Variants in SFMBT2 observed in about 807,000 individuals in gnomAD.
SFMBT2 encodes the protein Scm like with four mbt domains 2, also known as scm-like with four MBT domains protein 2.
SFMBT2 carries 38 observed loss-of-function variants against 110.1 expected under a neutral mutation model. That is an observed-to-expected ratio of 0.35 (90% CI 0.27 to 0.45). The LOEUF is 0.45. Among genes scored for constraint, SFMBT2 ranks in the 20% least tolerant of loss-of-function variants. The pLI is 1.00. For synonymous variants in SFMBT2, 425 were observed against 425.4 expected (o/e 1.00, Z 0.01); for missense variants, 1,011 against 1,094.9 (o/e 0.92, Z 1.08).
chr10:7,321,321 C>G (rs969542802), intron 4 of SFMBT2, among the ~76,000 whole-genome samples: 20 of 151,910 alleles, frequency 1.3e-4, no homozygotes, highest in African/African-American at 4.8e-4. Flanking sequence ...CCTGCCTCAG[C>G]CTCCTGAGTA....
rs112996489 is a variant in SFMBT2, at chr10:7,376,854, C to CAAAA, written c.100+4941_100+4944dup. Among the ~76,000 whole-genome samples, 93 of 123,574 alleles carry CAAAA rather than the reference C, an allele frequency of 7.5e-4. 1 individual carries two copies. The highest frequency in any genetic ancestry group is 2.7e-3 in the African/African-American group (87 of 32,032). 81.1% of individuals were successfully genotyped at this position (123,574 alleles called of 152,430 possible). A position where few individuals can be genotyped will look rare whatever the true frequency, so the allele number is the denominator to read the frequency against. On this transcript the variant is annotated intron_variant, in intron 2 of 20. Coordinates refer to ENST00000397167, the MANE Select transcript of SFMBT2 (RefSeq NM_001387889.1). ...CATAGCATCTCGGGGTGGACAGTGG[C>CAAAA]AAAAAAAAAAAAAACAAACATAAGA...
chr10:7,302,655 C>T (rs58394810), intron 4 of SFMBT2, among the ~76,000 whole-genome samples: 2,043 of 152,228 alleles, frequency 0.013, 42 homozygotes, highest in African/African-American at 0.047. Context: ...TTCCAAAGTG[C>T]GAGGATCATG....
intron 4 of SFMBT2, among the ~76,000 whole-genome samples, chr10:7,342,610 C>CTACG (rs1018103775): frequency 6.6e-6 from 1 of 151,900 alleles, no homozygotes; most frequent in Non-Finnish European, 1.5e-5. Context: ...AGGGTTTCAC[C>CTACG]ATGGTCTCGA....
intron 11 of SFMBT2, chr10:7,215,646 G>C (rs779744939): frequency 2.0e-6 from 2 of 985,318 alleles, no homozygotes; most frequent in Non-Finnish European, 2.4e-6. Flanking sequence ...GGGCCCCGCA[G>C]AGGCAGCACA....
At chr10:7,269,616 T>A (rs1476277675) in intron 7 of SFMBT2, among the ~76,000 whole-genome samples, 1 of 151,972 alleles carries the variant, frequency 6.6e-6, no homozygotes, top group East Asian at 1.9e-4. Context: ...AAACACATAT[T>A]CCTTTTACCG....
chr10:7,267,567 T>C (rs954048032), intron 7 of SFMBT2, among the ~76,000 whole-genome samples: 2 of 152,264 alleles, frequency 1.3e-5, no homozygotes, highest in African/African-American at 4.8e-5. Flanking sequence ...TGGCTAATTT[T>C]TGCATTTTTA....
At chr10:7,394,074 C>T (rs544856901) in intron 1 of SFMBT2, among the ~76,000 whole-genome samples, 1 of 152,116 alleles carries the variant, frequency 6.6e-6, no homozygotes, top group South Asian at 2.1e-4. Context: ...TCGATCTCGG[C>T]TCACTGCCTC....
chr10:7,269,061 CA>C (rs1841488079), intron 7 of SFMBT2, among the ~76,000 whole-genome samples: 6 of 151,810 alleles, frequency 4.0e-5, no homozygotes, highest in Admixed American at 3.3e-4. Flanking sequence ...AAAAAAAAGT[CA>C]TTATTTATTT....
Position 7,354,119 on chromosome 10 carries a change from AT to A in SFMBT2, c.436+13529del, listed in dbSNP as rs983940771. 3.6e-4 allele frequency among the ~76,000 whole-genome samples: 55 copies of A among 151,678 alleles called. 1 individual carries two copies. Among genetic ancestry groups the A allele is most frequent in the African/African-American group, 1.3e-3 (54 of 41,356 alleles). On this transcript the variant is annotated intron_variant, in intron 4 of 20. Transcript: ENST00000397167. Reference sequence around the variant, plus strand: ...AAAAAAATATAAATAAAACAAAAAAATAAATAAATAAAAATATACATAAGTA... The same window carrying A: ...AAAAAAATATAAATAAAACAAAAAAAAAATAAATAAAAATATACATAAGTA...
chr10:7,391,027 G>C (rs1845747993), intron 1 of SFMBT2, among the ~76,000 whole-genome samples: 1 of 152,018 alleles, frequency 6.6e-6, no homozygotes, highest in African/African-American at 2.4e-5. Context: ...TTGAACCTGA[G>C]AGGCTAAGGT....
intron 15 of SFMBT2, chr10:7,189,333 T>G: frequency 4.1e-6 from 1 of 243,712 alleles, no homozygotes; most frequent in Non-Finnish European, 6.6e-6. Flanking sequence ...ATTTCCCCCA[T>G]CCACCCCTCA....
At chr10:7,381,339 G>C (rs1845415868) in intron 2 of SFMBT2, among the ~76,000 whole-genome samples, 1 of 152,280 alleles carries the variant, frequency 6.6e-6, no homozygotes, top group African/African-American at 2.4e-5. Flanking sequence ...ACTTGGGAGG[G>C]AATTCTTTTT....
chr10:7,388,979 A>G (rs1471786818), intron 1 of SFMBT2, among the ~76,000 whole-genome samples: 1 of 152,196 alleles, frequency 6.6e-6, no homozygotes, highest in Non-Finnish European at 1.5e-5. Context: ...AAGACAGTGG[A>G]GAAGAAATGA....
intron 5 of SFMBT2, chr10:7,284,423 A>G: frequency 1.7e-6 from 2 of 1,171,768 alleles, no homozygotes; most frequent in Non-Finnish European, 2.1e-6. Context: ...CACCAAACAA[A>G]TCACCCTTCC....
At chr10:7,333,697 A>G (rs112904711) in intron 4 of SFMBT2, among the ~76,000 whole-genome samples, 3 of 143,008 alleles carry the variant, frequency 2.1e-5, no homozygotes, top group Admixed American at 1.4e-4. Context: ...TCTCTCCCCC[A>G]CTCCCTACAC....
rs370300235 is a variant in SFMBT2, at chr10:7,248,584, G to A, written c.936C>T (p.Cys312=). 8.7e-5 allele frequency: 140 copies of A among 1,614,150 alleles called. No individual in the cohort carries two copies. The African/African-American group carries it at 1.3e-3, about 15-fold the overall frequency. The change falls in exon 8 of 21, where the codon TGC becomes TGT. Residue 312 remains cysteine (C), a synonymous_variant. Coordinates refer to ENST00000397167, the MANE Select transcript of SFMBT2 (RefSeq NM_001387889.1). ...VGMKLETVNM[C]EPFYISPASV... ...ACGCAGGAGAGATGTAAAAGGGCTC[G>A]CACATATTCACTGTCTCAAGCTTCA...
intron 4 of SFMBT2, among the ~76,000 whole-genome samples, chr10:7,314,202 G>A (rs1842927968): frequency 6.6e-6 from 1 of 152,198 alleles, no homozygotes; most frequent in Admixed American, 6.5e-5. Context: ...CTTCAATAGA[G>A]AAAAGAGGGA....
chr10:7,329,765 C>T (rs560972169), intron 4 of SFMBT2: 3 of 152,452 alleles, frequency 2.0e-5, no homozygotes, highest in Admixed American at 6.5e-5. Context: ...TTTGTTCCCC[C>T]ATGACTCAGG....
chr10:7,292,544 G>A (rs1023403065), intron 4 of SFMBT2, among the ~76,000 whole-genome samples: 1 of 152,180 alleles, frequency 6.6e-6, no homozygotes, highest in Non-Finnish European at 1.5e-5. Flanking sequence ...TAACCCAGAT[G>A]AAGATATAAC....
Sources: allele counts gnomAD v4.1 joint callset (sites outside exome capture counted in the v4.1 genomes callset), GRCh38; gene constraint gnomAD v4.1.1; transcripts MANE v1.5; gene names NCBI Gene and HGNC (gene_info 2026-07-23, HGNC 2026-07-21).